CTNND2: variants seen among roughly 807,000 people sequenced by gnomAD.
The protein encoded by CTNND2 is catenin delta-2.
In CTNND2, 22 loss-of-function variants were observed where a neutral mutation model predicts 144.4. The observed-to-expected ratio is 0.15, with a 90% CI of 0.11 to 0.22. CTNND2 has a LOEUF of 0.22. CTNND2 is among the 10% of genes least tolerant of loss of function. The pLI is 1.00. For synonymous variants in CTNND2, 751 were observed against 695.6 expected, an observed-to-expected ratio of 1.08 and a Z score of -1.25; for missense variants, 1,353 against 1,618.8, an observed-to-expected ratio of 0.84 and a Z score of 2.82.
At chr5:11,761,594 A>G (rs569493096) in intron 1 of CTNND2, among the ~76,000 whole-genome samples, 2 of 152,286 alleles carry the variant, frequency 1.3e-5, no homozygotes, top group East Asian at 3.9e-4. Flanking sequence ...TTGGATTTGA[A>G]TTTATTGTAT....
At chr5:11,740,975 C>T (rs187475587) in intron 1 of CTNND2, among the ~76,000 whole-genome samples, 24 of 152,292 alleles carry the variant, frequency 1.6e-4, no homozygotes, top group African/African-American at 5.3e-4. Context: ...AAATTCTCAT[C>T]GTCACTGGTC....
chr5:11,165,732 GA>G (rs1759257339), intron 11 of CTNND2, among the ~76,000 whole-genome samples: 2 of 151,922 alleles, frequency 1.3e-5, no homozygotes, highest in Non-Finnish European at 2.9e-5. Flanking sequence ...TCTTTTCCTT[GA>G]TATTATCCAT....
chr5:11,138,381 T>A (rs1267324024), intron 12 of CTNND2, among the ~76,000 whole-genome samples: 2 of 152,208 alleles, frequency 1.3e-5, no homozygotes, highest in African/African-American at 2.4e-5. Flanking sequence ...GGGATTAGGA[T>A]GTAGACATCT....
chr5:11,458,065 A>G (rs1765886681), intron 3 of CTNND2, among the ~76,000 whole-genome samples: 1 of 152,178 alleles, frequency 6.6e-6, no homozygotes, highest in East Asian at 1.9e-4. Flanking sequence ...AGATTAAATG[A>G]GTTCATATGT....
At chr5:11,429,612 T>C (rs1763096333) in intron 3 of CTNND2, among the ~76,000 whole-genome samples, 1 of 152,202 alleles carries the variant, frequency 6.6e-6, no homozygotes, top group Admixed American at 6.5e-5. Context: ...TGAAATGAGT[T>C]GGTGGTGTTG....
chr5:10,988,300 T>C lies in CTNND2; in HGVS notation c.3212-58A>G. On this transcript the variant is annotated intron_variant, in intron 19 of 21. Coordinates refer to ENST00000304623, the MANE Select transcript of CTNND2 (RefSeq NM_001332.4). The surrounding 1 kb of genome is among the most constrained non-coding windows in gnomAD (Gnocchi z 5.9). ...CATCTCATCCCACAGCGTGTGTGCC[T>C]TCCACACAGTCAGGGTCCTCACTAT... is the stretch of plus-strand genomic sequence containing the variant. The C allele has an allele frequency of 6.3e-7, 1 of 1,599,444 alleles. No homozygotes were observed. The highest frequency in any genetic ancestry group is 8.6e-7 in the Non-Finnish European group (1 of 1,168,796).
At chr5:11,827,149 G>C (rs1793646838) in intron 1 of CTNND2, among the ~76,000 whole-genome samples, 1 of 152,124 alleles carries the variant, frequency 6.6e-6, no homozygotes, top group East Asian at 1.9e-4. Flanking sequence ...ATGAAATTAA[G>C]TTTGCAACTT....
At chr5:11,590,191 G>A (rs1355257056) in intron 2 of CTNND2, among the ~76,000 whole-genome samples, 7 of 151,786 alleles carry the variant, frequency 4.6e-5, no homozygotes, top group Non-Finnish European at 7.4e-5. Context: ...AACTACAGGC[G>A]CCCGTCACCA....
intron 2 of CTNND2, among the ~76,000 whole-genome samples, chr5:11,647,855 A>G (rs781079687): frequency 5.9e-5 from 9 of 152,038 alleles, no homozygotes; most frequent in Non-Finnish European, 1.3e-4. Flanking sequence ...TATGCATCTA[A>G]TTGTGTATTT....
At chr5:11,225,649 T>A in intron 10 of CTNND2, among the ~76,000 whole-genome samples, 1 of 152,316 alleles carries the variant, frequency 6.6e-6, no homozygotes, top group Non-Finnish European at 1.5e-5. Context: ...AATAAGGCAC[T>A]GGCCTACGTG....
chr5:11,533,101 A>G (rs1292750542), intron 3 of CTNND2, among the ~76,000 whole-genome samples: 1 of 152,238 alleles, frequency 6.6e-6, no homozygotes, highest in Non-Finnish European at 1.5e-5. Flanking sequence ...GCAAGTTCAC[A>G]AAGACTCTCA....
At chr5:11,899,987 T>C (rs1392236715) in intron 1 of CTNND2, among the ~76,000 whole-genome samples, 1 of 152,166 alleles carries the variant, frequency 6.6e-6, no homozygotes, top group Non-Finnish European at 1.5e-5. Flanking sequence ...TCTAGAGAAA[T>C]AGTTGGGCTC....
At chr5:11,849,565 A>G (rs1794918335) in intron 1 of CTNND2, among the ~76,000 whole-genome samples, 1 of 152,164 alleles carries the variant, frequency 6.6e-6, no homozygotes. Context: ...TGATATGCCC[A>G]GAATAAAGAA....
chr5:11,264,978 A>T (rs566185807), intron 9 of CTNND2, among the ~76,000 whole-genome samples: 1 of 152,292 alleles, frequency 6.6e-6, no homozygotes, highest in East Asian at 1.9e-4. Flanking sequence ...TACCTATATT[A>T]TCTTGGCAAA....
At chr5:11,379,623 T>C (rs1758282133) in intron 7 of CTNND2, among the ~76,000 whole-genome samples, 1 of 152,182 alleles carries the variant, frequency 6.6e-6, no homozygotes, top group Non-Finnish European at 1.5e-5. Flanking sequence ...GTTCTGTCGC[T>C]GACTAGCCTT....
chr5:11,238,110 T>C (rs1741835894), intron 9 of CTNND2, among the ~76,000 whole-genome samples: 1 of 152,376 alleles, frequency 6.6e-6, no homozygotes, highest in South Asian at 2.1e-4. Context: ...TTGATTGTAC[T>C]GTCATACAAA....
intron 2 of CTNND2, among the ~76,000 whole-genome samples, chr5:11,586,495 C>T (rs1345710389): frequency 1.3e-5 from 2 of 152,160 alleles, no homozygotes; most frequent in Non-Finnish European, 2.9e-5. Context: ...AATCAGAATT[C>T]ACACGTTAAT....
At chr5:11,187,044 C>A (rs1229671225) in intron 11 of CTNND2, among the ~76,000 whole-genome samples, 1 of 152,108 alleles carries the variant, frequency 6.6e-6, no homozygotes, top group Non-Finnish European at 1.5e-5. Context: ...TACCTGGATT[C>A]TCAGGTTAGG....
At chr5:11,015,699 C>T (rs528717041) in intron 18 of CTNND2, among the ~76,000 whole-genome samples, 2 of 152,180 alleles carry the variant, frequency 1.3e-5, no homozygotes, top group Non-Finnish European at 2.9e-5. Flanking sequence ...TTTCAGCAAA[C>T]AGGAAACGTT....
Sources: gnomAD v4.1 joint callset for allele counts (sites outside exome capture counted in the v4.1 genomes callset) on GRCh38, gnomAD v4.1.1 for gene constraint, Gnocchi (gnomAD v3.1) non-coding constraint, MANE v1.5 for transcripts, NCBI Gene and HGNC (gene_info 2026-07-23, HGNC 2026-07-21) for gene names.